The following KDM1B variants were observed in gnomAD, a reference collection of about 807,000 sequenced individuals.
The protein encoded by KDM1B is lysine demethylase 1B.
Under a neutral mutation model 107.4 loss-of-function variants are expected in KDM1B, and 63 were observed. That is an observed-to-expected ratio of 0.59 (90% CI 0.48 to 0.72). The LOEUF is 0.72. Ranked by LOEUF, KDM1B falls within the 30% of genes least tolerant of loss-of-function variation. The probability of loss-of-function intolerance (pLI) is 0.00; values close to 1 mark genes in which losing one functional copy is unlikely to be tolerated. For missense variants in KDM1B, 749 were observed against 1,020.8 expected (o/e 0.73, Z 3.63); for synonymous variants, 363 against 363.9 (o/e 1.00, Z 0.03).
intron 7 of KDM1B, among the ~76,000 whole-genome samples, chr6:18,175,575 C>A (rs1785940003): frequency 6.6e-6 from 1 of 152,058 alleles, no homozygotes; most frequent in Non-Finnish European, 1.5e-5. Context: ...AAAGGTTTTT[C>A]TAGTATTTCT....
chr6:18,173,835 G>C (rs1229419254), intron 7 of KDM1B, among the ~76,000 whole-genome samples: 3 of 151,988 alleles, frequency 2.0e-5, no homozygotes, highest in Admixed American at 1.3e-4. Flanking sequence ...GCCCAGGCTG[G>C]AGTGCAGTGG....
chr6:18,196,906 G>C (rs1359788083), intron 10 of KDM1B, 151 bp from the exon 11 acceptor site: 2 of 683,902 alleles, frequency 2.9e-6, no homozygotes, highest in Non-Finnish European at 4.9e-6. Flanking sequence ...AAACCAGGGA[G>C]GACTGTACCT....
At chr6:18,171,583 G>A in intron 7 of KDM1B, 104 bp downstream of exon 7, 1 of 722,920 alleles carries the variant, frequency 1.4e-6, no homozygotes, top group South Asian at 1.5e-5. Flanking sequence ...TTCTGTCAAG[G>A]TTGTATTTGC....
At chr6:18,188,686 T>C (rs1044266192) in intron 9 of KDM1B, among the ~76,000 whole-genome samples, 1 of 152,134 alleles carries the variant, frequency 6.6e-6, no homozygotes, top group Non-Finnish European at 1.5e-5. Flanking sequence ...CTATCTCAGC[T>C]CACTGCATCC....
rs189402170 is a variant in KDM1B at position 18,173,037 on chromosome 6, C to T, written c.534+1558C>T. Reference sequence around the variant, plus strand: ...CCCGGGAGGTGGAGGTTGCAGTGAGCTGAGATCATGCCATTGCACTCCAGC... The same window carrying T: ...CCCGGGAGGTGGAGGTTGCAGTGAGTTGAGATCATGCCATTGCACTCCAGC... On this transcript the variant is annotated intron_variant, in intron 7 of 21. Coordinates refer to ENST00000650836, the MANE Select transcript of KDM1B (RefSeq NM_001364614.2). Among the ~76,000 whole-genome samples the T allele has an allele frequency of 3.4e-3, 515 of 150,302 alleles. 4 individuals are homozygous for T. The highest frequency in any genetic ancestry group is 0.012 in the African/African-American group (484 of 40,796).
At chr6:18,184,443 T>G (rs544944148) in intron 7 of KDM1B, among the ~76,000 whole-genome samples, 1 of 151,664 alleles carries the variant, frequency 6.6e-6, no homozygotes, top group Non-Finnish European at 1.5e-5. Context: ...CCCGGCTAAT[T>G]TTTGTATTTT....
intron 16 of KDM1B, 29 bp downstream of exon 16, chr6:18,207,558 C>A: frequency 6.2e-7 from 1 of 1,612,706 alleles, no homozygotes; most frequent in Non-Finnish European, 8.5e-7. Context: ...GAGGCTCTGG[C>A]TCGCCTTGTT....
intron 21 of KDM1B, among the ~76,000 whole-genome samples, chr6:18,218,424 A>G (rs1399071755): frequency 6.6e-6 from 1 of 152,106 alleles, no homozygotes; most frequent in African/African-American, 2.4e-5. Flanking sequence ...TGCCCAGCCT[A>G]TGATGTCATC....
Position 18,217,749 on chromosome 6 carries a change from C to T in KDM1B, c.2249C>T (p.Thr750Ile), listed in dbSNP as rs2151045100. 1 of 1,612,116 alleles carries T rather than the reference C, an allele frequency of 6.2e-7. No individual in the cohort carries two copies. Among genetic ancestry groups the T allele is most frequent in the South Asian group, 1.1e-5 (1 of 90,984 alleles). Residue 750 changes from threonine to isoleucine, a missense_variant, in exon 21 of 22, where the codon ACA becomes ATA. Physicochemically the swap from Thr to Ile is moderately conservative, Grantham distance 89. Coordinates refer to ENST00000650836, the MANE Select transcript of KDM1B (RefSeq NM_001364614.2). ...LFKEQEVPDP[T>I]KYFVTRWSTD... is the part of the protein sequence containing the mutation. ...TGGACATAGGAGGTCCCAGATCCCA[C>T]AAAGTATTTTGTCACTCGGTGGAGC...
intron 2 of KDM1B, among the ~76,000 whole-genome samples, chr6:18,157,899 G>A (rs1006429751): frequency 1.5e-4 from 21 of 137,152 alleles, no homozygotes; most frequent in African/African-American, 3.6e-4. Flanking sequence ...TGCAAGCTCC[G>A]CCTGCGGGGT....
At chr6:18,208,281 C>T (rs991384529) in intron 17 of KDM1B, 75 bp downstream of exon 17, 1 of 1,116,014 alleles carries the variant, frequency 9.0e-7, no homozygotes, top group Non-Finnish European at 1.3e-6. Flanking sequence ...CAAATCTTTC[C>T]TATCAAGGAG....
At chr6:18,176,435 A>G (rs1412524312) in intron 7 of KDM1B, among the ~76,000 whole-genome samples, 2 of 152,086 alleles carry the variant, frequency 1.3e-5, no homozygotes, top group African/African-American at 4.8e-5. Context: ...ACCGATTTGG[A>G]TGCCCTTTAT....
Position 18,171,392 on chromosome 6 carries a change from A to C in KDM1B, c.447A>C (p.Lys149Asn). Residue 149 changes from lysine (K) to asparagine (N), a missense_variant, in exon 7 of 22, where the codon AAA (lysine) becomes AAC (asparagine). Transcript: ENST00000650836. ...AGTGTACAAAACCTGAGTGTAGAAA[A>C]TGGAGGCAGCTTACCAAGGAAATCC... ...WVQCTKPECRKWRQLTKEIQL... is the reference protein window; with the variant it reads ...WVQCTKPECRNWRQLTKEIQL... 6.2e-7 allele frequency: 1 copy of C among 1,611,950 alleles called. No homozygotes were observed. Among genetic ancestry groups the C allele is most frequent in the Non-Finnish European group, 8.5e-7 (1 of 1,178,132 alleles).
chr6:18,219,022 C>G (rs1232523628), intron 21 of KDM1B, among the ~76,000 whole-genome samples: 2 of 152,170 alleles, frequency 1.3e-5, no homozygotes, highest in African/African-American at 4.8e-5. Flanking sequence ...CCTGCCTCAG[C>G]CTCCCGAATA....
intron 21 of KDM1B, among the ~76,000 whole-genome samples, chr6:18,221,401 C>A (rs989274921): frequency 6.6e-6 from 1 of 152,168 alleles, no homozygotes; most frequent in African/African-American, 2.4e-5. Flanking sequence ...TGAGGTTCTC[C>A]TATTATTGAG....
At chr6:18,170,731 C>T (rs1785597770) in intron 6 of KDM1B, among the ~76,000 whole-genome samples, 1 of 152,184 alleles carries the variant, frequency 6.6e-6, no homozygotes, top group Non-Finnish European at 1.5e-5. Context: ...CTGCCTGCCT[C>T]AGCCTCCTAA....
rs1189891371 is a variant in KDM1B at position 18,223,190 on chromosome 6, AAAG to A, written c.*1202_*1204del. The stretch of plus-strand genomic sequence containing the variant: ...GAACAATAATATACTGGTTTGCTTT[AAAG>A]AAGGGACTAAATATGACTTTAAAGA... On this transcript the variant is annotated 3_prime_UTR_variant, in exon 22 of 22. Coordinates refer to ENST00000650836, the MANE Select transcript of KDM1B (RefSeq NM_001364614.2). The A allele has an allele frequency of 6.6e-5, 10 of 152,602 alleles. No individual in the cohort carries two copies. The highest frequency in any genetic ancestry group is 1.7e-4 in the African/African-American group (7 of 41,432). 9.5% of individuals were successfully genotyped at this position (152,602 alleles called of 1,614,324 possible).
chr6:18,210,078 A>G (rs866976438), intron 17 of KDM1B, among the ~76,000 whole-genome samples: 14 of 152,132 alleles, frequency 9.2e-5, no homozygotes, highest in African/African-American at 3.4e-4. Flanking sequence ...AAATTAGGGC[A>G]CAGCTTCAGG....
In KDM1B at chr6:18,191,946, G is replaced by C. The variant is rs755861688; in HGVS notation, c.969+565G>C. On this transcript the variant is annotated intron_variant, in intron 10 of 21. Transcript: ENST00000650836. This position sits in a 1 kb window ranked among gnomAD's most constrained non-coding sequence, Gnocchi z 5.1. ...GTGAAAATAAATTATGGGGCAGAAT[G>C]GGAATACTAGCTAAAAACAAAAAAC... is the stretch of plus-strand genomic sequence containing the variant. Among the ~76,000 whole-genome samples, 16 of 152,032 alleles carry C rather than the reference G, an allele frequency of 1.1e-4. No homozygotes were observed. Among genetic ancestry groups the C allele is most frequent in the Non-Finnish European group, 1.5e-4 (10 of 67,994 alleles).
Sources: allele counts gnomAD v4.1 joint callset (sites outside exome capture counted in the v4.1 genomes callset), GRCh38; gene constraint gnomAD v4.1.1; non-coding constraint Gnocchi (gnomAD v3.1); transcripts MANE v1.5; gene names NCBI Gene and HGNC (gene_info 2026-07-23, HGNC 2026-07-21).